The following RTTN variants were observed in gnomAD, a reference collection of about 807,000 sequenced individuals.
RTTN encodes the protein rotatin.
Under a neutral mutation model 269.2 loss-of-function variants are expected in RTTN, and 182 were observed. That is an observed-to-expected ratio of 0.68 (90% CI 0.60 to 0.76). RTTN has a LOEUF of 0.76. Among genes scored for constraint, RTTN ranks in the 30% least tolerant of loss-of-function variants. The probability of loss-of-function intolerance (pLI) is 0.00; values close to 1 mark genes in which losing one functional copy is unlikely to be tolerated. For synonymous variants in RTTN, 1,006 were observed against 963.5 expected (o/e 1.04, Z -0.82); for missense variants, 2,545 against 2,608.6 (o/e 0.98, Z 0.53).
At chr18:70,021,726 T>C (rs2056710276) in intron 44 of RTTN, among the ~76,000 whole-genome samples, 1 of 152,214 alleles carries the variant, frequency 6.6e-6, no homozygotes, top group African/African-American at 2.4e-5. Context: ...GGTCTGTTTA[T>C]ATCTCTTTGT....
rs544962609 is a variant in RTTN, at chr18:70,196,860, A to G, written c.694-212T>C. ...AATAAAATAAGACAACAACATTTAA[A>G]TAGAATAGTCAGTGTTTCCTATTTC... On this transcript the variant is annotated intron_variant, in intron 6 of 48. Transcript: ENST00000640769. 2.6e-5 allele frequency among the ~76,000 whole-genome samples: 4 copies of G among 152,370 alleles called. No homozygotes were observed. In the South Asian group the frequency reaches 8.3e-4, roughly 32 times the overall value.
chr18:70,165,977 G>T (rs1302969845), intron 14 of RTTN, 85 bp downstream of exon 14: 16 of 1,346,868 alleles, frequency 1.2e-5, no homozygotes, highest in Non-Finnish European at 1.3e-5. Context: ...CATACAAAAG[G>T]TCAAGTAAAT....
In RTTN at chr18:70,020,752, C is replaced by T. The variant is rs200044039; in HGVS notation, c.6016G>A (p.Val2006Met). 182 of 1,613,928 alleles carry T rather than the reference C, an allele frequency of 1.1e-4. No homozygotes were observed. The highest frequency in any genetic ancestry group is 3.3e-4 in the Middle Eastern group (2 of 6,084). The part of the protein sequence containing the change: ...HPVQATHRGA[V>M]SNSLMLCILK... The stretch of plus-strand genomic sequence containing the variant: ...ATACACAGCATCAGAGAGTTGCTCA[C>T]GGCTCCTCTATGTGTAGCTTGAACA... The change falls in exon 45 of 49, where the codon GTG (valine) becomes ATG (methionine). Residue 2006 changes from valine (V) to methionine (M), a missense_variant. Physicochemically the swap from Val to Met is conservative, Grantham distance 21. Coordinates refer to ENST00000640769, the MANE Select transcript of RTTN (RefSeq NM_173630.4).
Position 70,127,542 on chromosome 18 carries a change from C to A in RTTN, c.3343G>T (p.Val1115Phe), listed in dbSNP as rs1313618222. 1 of 1,613,458 alleles carries A rather than the reference C, an allele frequency of 6.2e-7. No homozygotes were observed. Among genetic ancestry groups the A allele is most frequent in the Admixed American group, 1.7e-5 (1 of 59,854 alleles). The change falls in exon 25 of 49, where the codon GTT becomes TTT. Residue 1115 changes from valine to phenylalanine, a missense_variant. By Grantham distance (50) the Val-to-Phe change is conservative. Coordinates refer to ENST00000640769, the MANE Select transcript of RTTN (RefSeq NM_173630.4). Reference protein sequence around the residue: ...SLKGCPGPCGVTLKSLAWHTA... With the variant: ...SLKGCPGPCGFTLKSLAWHTA... Reference sequence around the variant, plus strand: ...TGCCAAGCCAAGGACTTCAAGGTAACCCCACATGGACCAGGGCAACCCTTT... The same window carrying A: ...TGCCAAGCCAAGGACTTCAAGGTAAACCCACATGGACCAGGGCAACCCTTT...
chr18:70,071,865 C>T (rs903867651), intron 34 of RTTN, among the ~76,000 whole-genome samples: 5 of 152,082 alleles, frequency 3.3e-5, no homozygotes, highest in African/African-American at 9.7e-5. Flanking sequence ...AATGGAAAAA[C>T]CAGCCAACTA....
At chr18:70,173,927 C>T (rs2061215967) in intron 11 of RTTN, among the ~76,000 whole-genome samples, 1 of 152,134 alleles carries the variant, frequency 6.6e-6, no homozygotes. Flanking sequence ...TTTATAATTT[C>T]ATTTAAACAA....
chr18:70,205,180 G>A lies in RTTN; in HGVS notation c.167C>T (p.Pro56Leu). Residue 56 changes from proline to leucine, a missense_variant, in exon 2 of 49, where the codon CCG (proline) becomes CTG (leucine). Transcript: ENST00000640769. The stretch of plus-strand genomic sequence containing the variant: ...AACCTCTTCCTTCATCGGAACGGAC[G>A]GGAAATTGAACCATTCCAGCAAATG... The part of the protein sequence containing the change: ...FLHLLEWFNF[P>L]SVPMKEEVLN... 6.2e-7 allele frequency: 1 copy of A among 1,614,162 alleles called. No individual in the cohort carries two copies. Among genetic ancestry groups the A allele is most frequent in the Non-Finnish European group, 8.5e-7 (1 of 1,180,036 alleles).
chr18:70,071,589 G>A (rs1031559539), intron 34 of RTTN, among the ~76,000 whole-genome samples: 5 of 152,122 alleles, frequency 3.3e-5, no homozygotes, highest in Non-Finnish European at 5.9e-5. Context: ...TATTGAGTTC[G>A]ATAGAGGCCA....
At chr18:70,054,433 A>T in intron 37 of RTTN, 149 bp from the exon 38 acceptor site, 1 of 721,136 alleles carries the variant, frequency 1.4e-6, no homozygotes, top group Non-Finnish European at 2.2e-6. Context: ...CAGACAAAGC[A>T]TTATTTTTCT....
Position 70,196,502 on chromosome 18 carries a change from G to A in RTTN, c.840C>T (p.His280=), listed in dbSNP as rs192562671. ...HRDPGFFSNK[H]DTVSQNSSLS... is the part of the protein sequence containing the mutation. ...TAATGAACAGATAAAAATAAATACC[G>A]TGTTTATTGGAGAAAAAACCTGGAT... The change falls in exon 7 of 49, where the codon CAC becomes CAT. Residue 280 remains histidine (H), a splice_region_variant and synonymous_variant. Coordinates refer to ENST00000640769, the MANE Select transcript of RTTN (RefSeq NM_173630.4). The A allele has an allele frequency of 4.1e-5, 66 of 1,606,804 alleles. No individual in the cohort carries two copies. The highest frequency in any genetic ancestry group is 4.9e-5 in the Non-Finnish European group (58 of 1,177,686).
At chr18:70,100,175 T>C (rs1222576779) in intron 28 of RTTN, among the ~76,000 whole-genome samples, 1 of 152,254 alleles carries the variant, frequency 6.6e-6, no homozygotes, top group Non-Finnish European at 1.5e-5. Flanking sequence ...TTGGCCAGTA[T>C]GGCCATTTTC....
At chr18:70,184,102 T>C (rs1185974621) in intron 10 of RTTN, among the ~76,000 whole-genome samples, 1 of 152,156 alleles carries the variant, frequency 6.6e-6, no homozygotes, top group Non-Finnish European at 1.5e-5. Flanking sequence ...CATGGTAACA[T>C]TGAAAAGGTC....
chr18:70,006,120 T>C (rs1437897989), intron 47 of RTTN: 1 of 338,566 alleles, frequency 3.0e-6, no homozygotes, highest in African/African-American at 2.1e-5. Flanking sequence ...AATAATAAAG[T>C]AAATCAATTT....
intron 28 of RTTN, among the ~76,000 whole-genome samples, chr18:70,108,676 T>G (rs567694019): frequency 1.3e-5 from 2 of 152,202 alleles, no homozygotes; most frequent in Admixed American, 1.3e-4. Context: ...ACAACCTAAC[T>G]GAAATGTTTC....
chr18:70,015,082 CT>C (rs879573880), intron 46 of RTTN, among the ~76,000 whole-genome samples: 606 of 143,604 alleles, frequency 4.2e-3, no homozygotes, highest in Middle Eastern at 7.2e-3. Context: ...TGTTCCAGAT[CT>C]TTTTTTTTTT....
chr18:70,087,312 T>C (rs2058726919), intron 31 of RTTN, among the ~76,000 whole-genome samples: 4 of 152,254 alleles, frequency 2.6e-5, no homozygotes, highest in Admixed American at 2.6e-4. Flanking sequence ...TTTCCAACCA[T>C]GATAACTAGA....
intron 36 of RTTN, among the ~76,000 whole-genome samples, 182 bp from the exon 37 acceptor site, chr18:70,058,014 C>A (rs1026746327): frequency 1.3e-5 from 2 of 152,010 alleles, no homozygotes; most frequent in African/African-American, 4.8e-5. Flanking sequence ...TCCTGGGTTA[C>A]CTTCAAACAG....
rs114488186 is a variant in RTTN, at chr18:70,064,048, C to G, written c.4747+1781G>C. ...TGCATAAATATACATTGAAAGCATA[C>G]TATTTGTGGACGGGCATGGTGGCTC... On this transcript the variant is annotated intron_variant, in intron 35 of 48. Coordinates refer to ENST00000640769, the MANE Select transcript of RTTN (RefSeq NM_173630.4). Among the ~76,000 whole-genome samples the G allele has an allele frequency of 5.2e-3, 750 of 144,276 alleles. 5 individuals carry two copies. Among genetic ancestry groups the G allele is most frequent in the African/African-American group, 0.018 (710 of 39,050 alleles). The allele number at this position is 144,276 out of a possible 152,430, so 94.7% of individuals were successfully genotyped here.
At chr18:70,013,008 C>A (rs2056436016) in intron 46 of RTTN, among the ~76,000 whole-genome samples, 1 of 152,090 alleles carries the variant, frequency 6.6e-6, no homozygotes, top group Non-Finnish European at 1.5e-5. Flanking sequence ...TGCATCAGGA[C>A]AATGTGAAAG....
Sources: gnomAD v4.1 joint callset for allele counts (sites outside exome capture counted in the v4.1 genomes callset) on GRCh38, gnomAD v4.1.1 for gene constraint, MANE v1.5 for transcripts, NCBI Gene and HGNC (gene_info 2026-07-23, HGNC 2026-07-21) for gene names.